SUPV3L1: variants seen among roughly 807,000 people sequenced by gnomAD.
SUPV3L1 encodes Suv3 like RNA helicase, also known as ATP-dependent RNA helicase SUPV3L1, mitochondrial.
A neutral mutation model predicts 70.0 loss-of-function variants in SUPV3L1; 35 were observed. The observed-to-expected ratio is 0.50, with a 90% CI of 0.38 to 0.66. The LOEUF (loss-of-function observed/expected upper bound fraction) is 0.66. SUPV3L1 is among the 30% of genes least tolerant of loss of function. The pLI is 0.00. For synonymous variants in SUPV3L1, 364 were observed against 341.9 expected (o/e 1.06, Z -0.71); for missense variants, 777 against 961.5 (o/e 0.81, Z 2.54).
At chr10:69,186,170 C>A in intron 2 of SUPV3L1, 106 bp downstream of exon 2, 1 of 1,008,010 alleles carries the variant, frequency 9.9e-7, no homozygotes, top group Non-Finnish European at 1.5e-6. Context: ...AGTCTGGAGA[C>A]ACGTCCCTGC....
At chr10:69,194,226 C>T (rs1315409079) in intron 6 of SUPV3L1, among the ~76,000 whole-genome samples, 1 of 152,098 alleles carries the variant, frequency 6.6e-6, no homozygotes, top group Non-Finnish European at 1.5e-5. Flanking sequence ...GGACTTGGAG[C>T]TGGATGTGGT....
At chr10:69,187,862 C>T in intron 4 of SUPV3L1, 106 bp downstream of exon 4, 1 of 715,850 alleles carries the variant, frequency 1.4e-6, no homozygotes, top group East Asian at 2.8e-5. Context: ...TATAAGGAGT[C>T]TGGATTAGGT....
chr10:69,187,138 T>C (rs1310706199), intron 3 of SUPV3L1, among the ~76,000 whole-genome samples: 1 of 152,156 alleles, frequency 6.6e-6, no homozygotes, highest in Non-Finnish European at 1.5e-5. Context: ...CTCTGTAATG[T>C]ACATGTCTAG....
intron 3 of SUPV3L1, chr10:69,187,365 T>TTTCC (rs1235816061): frequency 6.5e-6 from 1 of 153,782 alleles, no homozygotes; most frequent in Non-Finnish European, 1.4e-5. Context: ...TTTTTTTTTT[T>TTTCC]TGTGACACGG....
chr10:69,186,011 A>G lies in SUPV3L1; in HGVS notation c.296A>G (p.Lys99Arg), dbSNP rs1842217587. 1 of 1,613,770 alleles carries G rather than the reference A, an allele frequency of 6.2e-7. No homozygotes were observed. The highest frequency in any genetic ancestry group is 1.3e-5 in the African/African-American group (1 of 74,894). The change falls in exon 2 of 15, where the codon AAA (lysine) becomes AGA (arginine). Residue 99 changes from lysine (K) to arginine (R), a missense_variant. By Grantham distance (26) the Lys-to-Arg change is conservative. Around this residue, in one of 2 missense-constraint regions of SUPV3L1, gnomAD observed 158 missense variants for 138.3 expected, o/e 1.14. Coordinates refer to ENST00000359655, the MANE Select transcript of SUPV3L1 (RefSeq NM_003171.5). ...GATGAAGTAAAGAAGGTCTTAGACA[A>G]ATTTTACAAGAGGAAAGAAATTCAG... ...DKNEVKKVLDKFYKRKEIQKL... is the reference protein window; with the variant it reads ...DKNEVKKVLDRFYKRKEIQKL...
chr10:69,195,485 T>C (rs1463939801), intron 7 of SUPV3L1: 1 of 385,768 alleles, frequency 2.6e-6, no homozygotes, highest in Admixed American at 4.3e-5. Context: ...GTAATTAAAG[T>C]TAAAATGTTC....
chr10:69,198,895 G>A (rs1294274791), intron 9 of SUPV3L1, among the ~76,000 whole-genome samples: 2 of 152,156 alleles, frequency 1.3e-5, no homozygotes, highest in African/African-American at 4.8e-5. Context: ...GTGTGGTGGG[G>A]GATTGTGTTG....
At chr10:69,201,846 C>T (rs865868694) in intron 11 of SUPV3L1, among the ~76,000 whole-genome samples, 3 of 142,130 alleles carry the variant, frequency 2.1e-5, no homozygotes, top group Non-Finnish European at 4.6e-5. Context: ...GCCGTAAAAT[C>T]TTTTTTTTTT....
At position 69,191,071 on chromosome 10, in the gene SUPV3L1, C is replaced by G. The variant is rs372228607; in HGVS notation, c.742-584C>G. 9.2e-5 allele frequency among the ~76,000 whole-genome samples: 14 copies of G among 152,208 alleles called. No individual in the cohort carries two copies. In the East Asian group the frequency reaches 1.5e-3, roughly 17 times the overall value. ...CTCATTTTAATGAAGTCAAATAGTT[C>G]AGAGATGTACAAAGTTAAAATGTGA... is the stretch of plus-strand genomic sequence containing the variant. On this transcript the variant is annotated intron_variant, in intron 5 of 14. Coordinates refer to ENST00000359655, the MANE Select transcript of SUPV3L1 (RefSeq NM_003171.5).
chr10:69,183,725 A>G (rs993594715), intron 1 of SUPV3L1, among the ~76,000 whole-genome samples: 1 of 152,080 alleles, frequency 6.6e-6, no homozygotes, highest in Admixed American at 6.6e-5. Flanking sequence ...CATACTAGAA[A>G]GCTCACCCTT....
intron 6 of SUPV3L1, 32 bp downstream of exon 6, chr10:69,191,798 T>C (rs770127277): frequency 1.3e-6 from 2 of 1,552,832 alleles, no homozygotes; most frequent in South Asian, 2.3e-5. Flanking sequence ...AACTATGGTT[T>C]GGTATTTTTA....
chr10:69,185,114 A>G (rs1842182440), intron 1 of SUPV3L1, among the ~76,000 whole-genome samples: 1 of 152,176 alleles, frequency 6.6e-6, no homozygotes, highest in African/African-American at 2.4e-5. Flanking sequence ...GAGTAATTCC[A>G]TTGGCAAGGA....
rs145201445 is a variant in SUPV3L1, at chr10:69,208,670, A to G, written c.1996A>G (p.Ile666Val). The G allele has an allele frequency of 6.8e-6, 11 of 1,614,244 alleles. No individual in the cohort carries two copies. The highest frequency in any genetic ancestry group is 9.3e-6 in the Non-Finnish European group (11 of 1,180,044). ...RDLQKELDGI[I>V]QDGVHNITKL... ...TCTCCAGAAAGAACTAGATGGTATTATCCAAGATGGTGTGCACAATATCAC... is the reference window on the plus strand; with the variant it reads ...TCTCCAGAAAGAACTAGATGGTATTGTCCAAGATGGTGTGCACAATATCAC... The change falls in exon 15 of 15, where the codon ATC (isoleucine) becomes GTC (valine). Residue 666 changes from isoleucine (I) to valine (V), a missense_variant. Physicochemically the swap from Ile to Val is conservative, Grantham distance 29. This residue lies in a region of SUPV3L1 where 619 missense variants were observed against 823.3 expected (regional missense o/e 0.75). Transcript: ENST00000359655.
intron 12 of SUPV3L1, 67 bp downstream of exon 12, chr10:69,202,586 C>T: frequency 2.8e-6 from 4 of 1,433,782 alleles, no homozygotes; most frequent in African/African-American, 1.4e-5. Flanking sequence ...ACTGGTTAAC[C>T]TCATGAGCAT....
intron 4 of SUPV3L1, 129 bp from the exon 5 acceptor site, chr10:69,189,138 T>C (rs1842317380): frequency 3.2e-6 from 3 of 950,962 alleles, no homozygotes; most frequent in Admixed American, 3.3e-5. Flanking sequence ...ACCCATTGTT[T>C]AGTTTTTCAA....
At chr10:69,196,295 C>T (rs1842540415) in intron 7 of SUPV3L1, among the ~76,000 whole-genome samples, 1 of 152,100 alleles carries the variant, frequency 6.6e-6, no homozygotes, top group Non-Finnish European at 1.5e-5. Context: ...AATTCAAGAC[C>T]AGCTTGGCCA....
chr10:69,208,049 C>T (rs966636553), intron 14 of SUPV3L1, 108 bp downstream of exon 14: 2 of 1,339,828 alleles, frequency 1.5e-6, no homozygotes, highest in Non-Finnish European at 2.1e-6. Flanking sequence ...GCAAGATGCT[C>T]TATATTATGT....
At chr10:69,183,392 G>C (rs980675044) in intron 1 of SUPV3L1, among the ~76,000 whole-genome samples, 1 of 152,104 alleles carries the variant, frequency 6.6e-6, no homozygotes. Context: ...CTTTTAAAAA[G>C]ACTAGGCTGG....
intron 13 of SUPV3L1, among the ~76,000 whole-genome samples, chr10:69,206,694 A>T (rs779955881): frequency 6.6e-6 from 1 of 152,168 alleles, no homozygotes; most frequent in Non-Finnish European, 1.5e-5. Context: ...GCACCAGGCC[A>T]CCTCAGAGGG....
Sources: allele counts gnomAD v4.1 joint callset (sites outside exome capture counted in the v4.1 genomes callset), GRCh38; gene constraint gnomAD v4.1.1; regional missense constraint gnomAD v4.1.1; transcripts MANE v1.5; gene names NCBI Gene and HGNC (gene_info 2026-07-23, HGNC 2026-07-21).